Variants in ABCA9 observed in about 807,000 individuals in gnomAD.
The protein encoded by ABCA9 is ATP binding cassette subfamily A member 9, also known as ATP-binding cassette sub-family A member 9.
A neutral mutation model predicts 205.3 loss-of-function variants in ABCA9; 183 were observed. The ratio of observed to expected loss-of-function variants is 0.89; its 90% CI spans 0.79 to 1.01. The LOEUF (loss-of-function observed/expected upper bound fraction) is 1.01. Ranked by LOEUF, ABCA9 falls within the 50% of genes least tolerant of loss-of-function variation. The probability of loss-of-function intolerance (pLI) is 0.00; values close to 1 mark genes in which losing one functional copy is unlikely to be tolerated. For missense variants in ABCA9, 1,805 were observed against 1,912.4 expected (o/e 0.94, Z 1.05); for synonymous variants, 651 against 683.3 (o/e 0.95, Z 0.74).
chr17:69,059,668 C>CT (rs1486145613), intron 1 of ABCA9, among the ~76,000 whole-genome samples: 124 of 106,866 alleles, frequency 1.2e-3, no homozygotes, highest in Non-Finnish European at 1.6e-3. Flanking sequence ...AGTTTGTGGT[C>CT]ATTTTTTTTT....
chr17:69,008,166 C>T lies in ABCA9; in HGVS notation c.3217G>A (p.Val1073Met). The change falls in exon 24 of 39, where the codon GTG (valine) becomes ATG (methionine). Residue 1073 changes from valine to methionine, a missense_variant. By Grantham distance (21) the Val-to-Met change is conservative. Transcript: ENST00000340001. ...PSAYWFGQAL[V>M]DVSLYFLILL... ...ATCAAAAAGTACAGGGAAACATCCA[C>T]CAGTGCTTGGCCAAACCAGTATGCA... The T allele has an allele frequency of 6.2e-7, 1 of 1,613,936 alleles. No homozygotes were observed. Among genetic ancestry groups the T allele is most frequent in the East Asian group, 2.2e-5 (1 of 44,874 alleles).
rs2068866745 is a variant in ABCA9, at chr17:68,975,297, AGTGC to A, written c.*614_*617del. ...GTTCCAAGTCTTTGCTATTGTAAACAGTGCTGCAATAAACATACGTGTGCATGTG... is the reference window on the plus strand; with the variant it reads ...GTTCCAAGTCTTTGCTATTGTAAACATGCAATAAACATACGTGTGCATGTG... On this transcript the variant is annotated 3_prime_UTR_variant, in exon 39 of 39. Transcript: ENST00000340001. 6.6e-6 allele frequency: 1 copy of A among 152,344 alleles called. No individual in the cohort carries two copies. Among genetic ancestry groups the A allele is most frequent in the South Asian group, 2.1e-4 (1 of 4,838 alleles). The allele number at this position is 152,344 out of a possible 1,614,324, so 9.4% of individuals were successfully genotyped here. A position where few individuals can be genotyped will look rare whatever the true frequency, so the allele number is the denominator to read the frequency against.
upstream of ABCA9, among the ~76,000 whole-genome samples, chr17:69,062,579 C>T (rs774948814): frequency 1.3e-4 from 20 of 152,002 alleles, no homozygotes; most frequent in African/African-American, 4.6e-4. Context: ...GGCACAATCT[C>T]GGCTCAATGG....
At chr17:69,072,588 T>A in the ABCA9 span, among the ~76,000 whole-genome samples, 1,284 of 150,954 alleles carry the variant, frequency 8.5e-3, 13 homozygotes, top group African/African-American at 0.03. Flanking sequence ...CAAGAGCTCC[T>A]GAAGGAAGCA....
intron 16 of ABCA9, among the ~76,000 whole-genome samples, chr17:69,025,879 A>G (rs559924016): frequency 1.8e-4 from 27 of 152,268 alleles, no homozygotes; most frequent in African/African-American, 6.5e-4. Context: ...GAATACAATA[A>G]TATGAATATT....
At chr17:69,039,186 C>A (rs1256229817) in intron 6 of ABCA9, among the ~76,000 whole-genome samples, 2 of 152,172 alleles carry the variant, frequency 1.3e-5, no homozygotes, top group Non-Finnish European at 2.9e-5. Context: ...CTACCGTTGA[C>A]TTTCTTCATA....
the ABCA9 span, among the ~76,000 whole-genome samples, chr17:69,070,745 G>A: frequency 0.015 from 2,343 of 152,178 alleles, 52 homozygotes; most frequent in African/African-American, 0.052. Flanking sequence ...AGACAGAACC[G>A]TTCACTCCCT....
At chr17:68,978,043 ATCTG>A (rs2068937298) in intron 37 of ABCA9, among the ~76,000 whole-genome samples, 1 of 152,270 alleles carries the variant, frequency 6.6e-6, no homozygotes, top group East Asian at 1.9e-4. Context: ...TTCTGTCTCG[ATCTG>A]TCTAATGTTG....
intron 25 of ABCA9, among the ~76,000 whole-genome samples, chr17:68,996,443 A>G (rs2069627372): frequency 6.6e-6 from 1 of 152,194 alleles, no homozygotes; most frequent in Non-Finnish European, 1.5e-5. Flanking sequence ...TGCCTTCAGA[A>G]AACATGTTTT....
intron 18 of ABCA9, 64 bp downstream of exon 18, chr17:69,021,678 G>GTCTT: frequency 9.5e-7 from 1 of 1,048,354 alleles, no homozygotes; most frequent in South Asian, 1.8e-5. Context: ...TCTTTCTTTC[G>GTCTT]TCCTTCCTTC....
chr17:69,059,548 G>A (rs902896961), intron 1 of ABCA9, among the ~76,000 whole-genome samples: 2 of 152,106 alleles, frequency 1.3e-5, no homozygotes, highest in African/African-American at 4.8e-5. Flanking sequence ...ACAGCCCCCA[G>A]AAAGAGACAC....
intron 1 of ABCA9, among the ~76,000 whole-genome samples, chr17:69,052,490 A>C (rs575774563): frequency 5.3e-5 from 8 of 152,348 alleles, no homozygotes; most frequent in African/African-American, 1.9e-4. Context: ...CAATTATTAG[A>C]CTAGGAATTT....
At chr17:69,016,853 CGTGT>C (rs142446139) in intron 21 of ABCA9, among the ~76,000 whole-genome samples, 1 of 150,866 alleles carries the variant, frequency 6.6e-6, no homozygotes, top group African/African-American at 2.4e-5. Context: ...CTTAAAATAA[CGTGT>C]GTGTGTGTGT....
At chr17:68,999,461 AT>A (rs1307582123) in intron 25 of ABCA9, among the ~76,000 whole-genome samples, 1 of 140,582 alleles carries the variant, frequency 7.1e-6, no homozygotes, top group Non-Finnish European at 1.5e-5. Context: ...TGAACTCATC[AT>A]TTTTTATGGC....
rs772456117 is a variant in ABCA9 at position 68,983,865 on chromosome 17, G to A, written c.4500-16C>T. ...ACCAATACATCTGAAGGTAACAGAA[G>A]GATAAAGTCAAGCAAGAAAAGAGAA... On this transcript the variant is annotated splice_polypyrimidine_tract_variant and intron_variant, in intron 35 of 38. Transcript: ENST00000340001. 13 of 1,613,912 alleles carry A rather than the reference G, an allele frequency of 8.1e-6. No homozygotes were observed. In the South Asian group the frequency reaches 9.9e-5, roughly 12 times the overall value.
At chr17:69,035,199 T>C in intron 8 of ABCA9, 47 bp downstream of exon 8, 1 of 1,354,206 alleles carries the variant, frequency 7.4e-7, no homozygotes, top group Non-Finnish European at 9.7e-7. Context: ...AGAGGGAATC[T>C]GTGTAGAACG....
chr17:69,068,786 A>C, the ABCA9 span, among the ~76,000 whole-genome samples: 1 of 152,234 alleles, frequency 6.6e-6, no homozygotes, highest in African/African-American at 2.4e-5. Flanking sequence ...ATATTAGTGA[A>C]CTAAATAAAT....
intron 25 of ABCA9, among the ~76,000 whole-genome samples, chr17:69,002,894 T>G (rs1156791358): frequency 7.0e-6 from 1 of 143,678 alleles, no homozygotes; most frequent in South Asian, 2.3e-4. Context: ...TCTCTTTTGA[T>G]CTTTGTTGGT....
chr17:68,977,286 G>C (rs1417109750), intron 37 of ABCA9, among the ~76,000 whole-genome samples: 1 of 151,946 alleles, frequency 6.6e-6, no homozygotes, highest in African/African-American at 2.4e-5. Flanking sequence ...TAATAGATGA[G>C]GGGGGGAAAG....
Sources: allele counts gnomAD v4.1 joint callset (sites outside exome capture counted in the v4.1 genomes callset), GRCh38; gene constraint gnomAD v4.1.1; transcripts MANE v1.5; gene names NCBI Gene and HGNC (gene_info 2026-07-23, HGNC 2026-07-21).